The following KIF21A variants were observed in gnomAD, a reference collection of about 807,000 sequenced individuals.
KIF21A encodes the protein kinesin family member 21A, also known as kinesin-like protein KIF21A.
KIF21A carries 114 observed loss-of-function variants against 202.9 expected under a neutral mutation model. The observed-to-expected ratio is 0.56, with a 90% confidence interval of 0.48 to 0.66. The LOEUF (loss-of-function observed/expected upper bound fraction) is 0.66, where lower values mean the gene tolerates loss of function less well. Ranked by LOEUF, KIF21A falls within the 30% of genes least tolerant of loss-of-function variation. KIF21A has a pLI of 0.00. For missense variants in KIF21A, 1,677 were observed against 1,994.9 expected (o/e 0.84, Z 3.04); for synonymous variants, 667 against 670.8 (o/e 0.99, Z 0.09).
At chr12:39,344,804 GTATC>G (rs1947751659) in intron 12 of KIF21A, among the ~76,000 whole-genome samples, 3 of 152,216 alleles carry the variant, frequency 2.0e-5, no homozygotes, top group South Asian at 4.1e-4. Context: ...TCTAAAATAA[GTATC>G]TAAGTAGCAA....
At position 39,370,175 on chromosome 12, in the gene KIF21A, C is replaced by G. The variant is rs747408878; in HGVS notation, c.131G>C (p.Gly44Ala). 4.3e-6 allele frequency: 7 copies of G among 1,613,332 alleles called. No individual in the cohort carries two copies. In the South Asian group the frequency reaches 4.4e-5, roughly 10 times the overall value. ...VTPGEPQVFL[G>A]KDKAFTFDYV... ...GTCAAAAGTAAAAGCCTTATCTTTC[C>G]CTAGGAAGACCTGAGGCTCTCCTGG... The change falls in exon 2 of 38, where the codon GGG (glycine) becomes GCG (alanine). Residue 44 changes from glycine to alanine, a missense_variant. Coordinates refer to ENST00000361418, the MANE Select transcript of KIF21A (RefSeq NM_001173464.2).
Position 39,351,820 on chromosome 12 carries a change from CT to C in KIF21A, c.1629del (p.Asp544IlefsTer2). ...TCTTTTCTTTTCAACTTCTCTAAAT[CT>C]TTTTTTGCTAGGTCTATAATTTCAA... is the stretch of plus-strand genomic sequence containing the variant. ...ETIEIIDLAK[K>X]DLEKLKRKEK... On this transcript the variant is annotated frameshift_variant, in exon 11 of 38. Coordinates refer to ENST00000361418, the MANE Select transcript of KIF21A (RefSeq NM_001173464.2). LOFTEE classifies it high-confidence loss of function. 1 of 1,601,408 alleles carries C rather than the reference CT, an allele frequency of 6.2e-7. No individual in the cohort carries two copies. Among genetic ancestry groups the C allele is most frequent in the Non-Finnish European group, 8.5e-7 (1 of 1,169,802 alleles).
intron 35 of KIF21A, among the ~76,000 whole-genome samples, 187 bp from the exon 36 acceptor site, chr12:39,303,322 CTA>C (rs533904800): frequency 5.5e-4 from 83 of 152,172 alleles, no homozygotes; most frequent in African/African-American, 1.9e-3. Context: ...TAAGGTCTCA[CTA>C]TGTTTCCCAG....
At position 39,318,131 on chromosome 12, in the gene KIF21A, G is replaced by A. The variant is rs865950397; in HGVS notation, c.3850C>T (p.Leu1284=). ...SSPPSRPRNE[L]NVFNRLTVSQ... is the part of the protein sequence containing the mutation. ...ACAGTAAGACGATTAAAAACATTCA[G>A]TTCATTACGGGGCCGGCTTGGTGGG... The change falls in exon 29 of 38, where the codon CTG becomes TTG. Residue 1284 remains leucine, a synonymous_variant. Transcript: ENST00000361418. 3 of 1,613,578 alleles carry A rather than the reference G, an allele frequency of 1.9e-6. No individual in the cohort carries two copies. Among genetic ancestry groups the A allele is most frequent in the Middle Eastern group, 3.3e-4 (2 of 6,062 alleles).
chr12:39,296,011 TTTTG>T (rs1440073077), intron 37 of KIF21A, among the ~76,000 whole-genome samples: 5 of 144,818 alleles, frequency 3.5e-5, no homozygotes, highest in Admixed American at 1.4e-4. Flanking sequence ...GATATGGTTT[TTTTG>T]TTTGTTTGTT....
intron 22 of KIF21A, 21 bp downstream of exon 22, chr12:39,331,669 A>C: frequency 6.7e-7 from 1 of 1,492,862 alleles, no homozygotes; most frequent in Non-Finnish European, 9.3e-7. Context: ...GATTTTCAGT[A>C]ACAGTGTGGT....
chr12:39,311,404 T>A lies in KIF21A; in HGVS notation c.4096+13A>T. The A allele has an allele frequency of 6.2e-7, 1 of 1,611,252 alleles. No individual in the cohort carries two copies. The highest frequency in any genetic ancestry group is 1.1e-5 in the South Asian group (1 of 90,828). On this transcript the variant is annotated intron_variant, in intron 32 of 37. Transcript: ENST00000361418. ...AAAGCTATTAAATATCTGCATTAGA[T>A]AACTACTAGCACCTTTTGATCCAGT...
At chr12:39,426,754 G>A (rs1020706136) in intron 1 of KIF21A, among the ~76,000 whole-genome samples, 3 of 151,060 alleles carry the variant, frequency 2.0e-5, no homozygotes, top group Non-Finnish European at 4.4e-5. Context: ...CATGGTGGTG[G>A]ATGCTGGTAA....
At chr12:39,429,248 A>G (rs1362282789) in intron 1 of KIF21A, among the ~76,000 whole-genome samples, 2 of 152,248 alleles carry the variant, frequency 1.3e-5, no homozygotes, top group Non-Finnish European at 2.9e-5. Context: ...ATTAACACAC[A>G]TACCAACAGA....
intron 34 of KIF21A, among the ~76,000 whole-genome samples, chr12:39,305,195 G>A (rs983082944): frequency 6.6e-6 from 1 of 151,434 alleles, no homozygotes; most frequent in African/African-American, 2.4e-5. Context: ...GTGAAACCCC[G>A]TCTCTACTAA....
intron 16 of KIF21A, among the ~76,000 whole-genome samples, chr12:39,339,428 T>A (rs1345560467): frequency 2.0e-5 from 3 of 152,104 alleles, no homozygotes; most frequent in Non-Finnish European, 4.4e-5. Flanking sequence ...ATAGCCTAGG[T>A]GTGTAGTAGG....
chr12:39,340,363 G>T lies in KIF21A; in HGVS notation c.2112C>A (p.Gly704=). ...LERDQVLQNL[G]SVESYSEEKA... is the part of the protein sequence containing the mutation. ...TTTCTTCTGAGTAAGATTCTACCGA[G>T]CCTAAATGACCAGAGGACATTTTTA... is the stretch of plus-strand genomic sequence containing the variant. Residue 704 remains glycine (G), a splice_region_variant and synonymous_variant, in exon 16 of 38, where the codon GGC becomes GGA. Transcript: ENST00000361418. 1 of 1,601,916 alleles carries T rather than the reference G, an allele frequency of 6.2e-7. No individual in the cohort carries two copies. Among genetic ancestry groups the T allele is most frequent in the South Asian group, 1.1e-5 (1 of 90,154 alleles).
intron 17 of KIF21A, among the ~76,000 whole-genome samples, chr12:39,334,949 G>A (rs557217974): frequency 2.3e-3 from 353 of 152,154 alleles, no homozygotes; most frequent in Non-Finnish European, 3.5e-3. Context: ...AATTATTCCC[G>A]TTGTTCAAAG....
intron 1 of KIF21A, among the ~76,000 whole-genome samples, chr12:39,409,250 T>A (rs1016157342): frequency 6.6e-6 from 1 of 151,952 alleles, no homozygotes; most frequent in African/African-American, 2.4e-5. Flanking sequence ...CCAGGTTTGG[T>A]GGTTCACATC....
At chr12:39,440,012 G>T (rs1300714042) in intron 1 of KIF21A, among the ~76,000 whole-genome samples, 1 of 152,096 alleles carries the variant, frequency 6.6e-6, no homozygotes, top group East Asian at 1.9e-4. Flanking sequence ...TTTTGATTTT[G>T]TATATAGACA....
intron 12 of KIF21A, 25 bp downstream of exon 12, chr12:39,346,441 T>C: frequency 1.4e-6 from 2 of 1,447,974 alleles, no homozygotes; most frequent in Non-Finnish European, 9.1e-7. Context: ...GACATTTTAA[T>C]AAAAAACCTG....
In KIF21A at chr12:39,330,225, A is replaced by C. The variant is rs1402542122; in HGVS notation, c.3340+17T>G. 1 of 1,607,936 alleles carries C rather than the reference A, an allele frequency of 6.2e-7. No homozygotes were observed. Among genetic ancestry groups the C allele is most frequent in the East Asian group, 2.2e-5 (1 of 44,714 alleles). Reference sequence around the variant, plus strand: ...TTCATGCAGCTGTAGGATACACAGAAAGCTAAACATACTTACCTAATGGTA... The same window carrying C: ...TTCATGCAGCTGTAGGATACACAGACAGCTAAACATACTTACCTAATGGTA... On this transcript the variant is annotated intron_variant, in intron 24 of 37. Transcript: ENST00000361418.
chr12:39,441,660 T>TTAAAAAAAAAAA (rs767481998), intron 1 of KIF21A, among the ~76,000 whole-genome samples: 5 of 37,790 alleles, frequency 1.3e-4, no homozygotes, highest in African/African-American at 4.2e-4. Context: ...CCCTGGGTGG[T>TTAAAAAAAAAAA]AAAAAAAAAA....
At chr12:39,361,527 T>TC (rs1949212375) in intron 7 of KIF21A, among the ~76,000 whole-genome samples, 1 of 148,866 alleles carries the variant, frequency 6.7e-6, no homozygotes, top group Non-Finnish European at 1.5e-5. Flanking sequence ...TCTTTCTTTT[T>TC]TTTTTTTTTT....
Sources: allele counts gnomAD v4.1 joint callset (sites outside exome capture counted in the v4.1 genomes callset), GRCh38; gene constraint gnomAD v4.1.1; transcripts MANE v1.5; gene names NCBI Gene and HGNC (gene_info 2026-07-23, HGNC 2026-07-21).